The following PDSS1 variants were observed in gnomAD, a reference collection of about 807,000 sequenced individuals.
The protein encoded by PDSS1 is decaprenyl diphosphate synthase subunit 1.
Under a neutral mutation model 57.5 loss-of-function variants are expected in PDSS1, and 43 were observed. The ratio of observed to expected loss-of-function variants is 0.75; its 90% CI spans 0.59 to 0.96. The LOEUF (loss-of-function observed/expected upper bound fraction) is 0.96, where lower values mean the gene tolerates loss of function less well. Among genes scored for constraint, PDSS1 ranks in the 50% least tolerant of loss-of-function variants. The pLI is 0.00. For missense variants in PDSS1, 438 were observed against 527.8 expected, an observed-to-expected ratio of 0.83 and a Z score of 1.67; for synonymous variants, 175 against 191.3, an observed-to-expected ratio of 0.91 and a Z score of 0.70.
At position 26,705,335 on chromosome 10, in the gene PDSS1, A is replaced by C; in HGVS notation, c.277A>C (p.Thr93Pro). 1 of 1,613,350 alleles carries C rather than the reference A, an allele frequency of 6.2e-7. No individual in the cohort carries two copies. The highest frequency in any genetic ancestry group is 8.5e-7 in the Non-Finnish European group (1 of 1,179,476). The change falls in exon 4 of 12, where the codon ACC becomes CCC. Residue 93 changes from threonine to proline, a missense_variant. This residue lies in a region of PDSS1 where 154 missense variants were observed against 137.0 expected (regional missense o/e 1.12). Transcript: ENST00000376215. ...TAAAACACACAGTGGTGAAAAATAC[A>C]CCGATCCTTTCAAACTCGGTTGGAG... is the stretch of plus-strand genomic sequence containing the variant. Reference protein sequence around the residue: ...DSKTHSGEKYTDPFKLGWRDL... With the variant: ...DSKTHSGEKYPDPFKLGWRDL...
chr10:26,735,615 A>G (rs1397901272), intron 10 of PDSS1, 36 bp downstream of exon 10: 1 of 1,149,674 alleles, frequency 8.7e-7, no homozygotes, highest in Admixed American at 1.7e-5. Flanking sequence ...ACATCACTGC[A>G]TAGCCCCACA....
chr10:26,724,759 A>G (rs1005397322), intron 8 of PDSS1, among the ~76,000 whole-genome samples: 21 of 152,030 alleles, frequency 1.4e-4, no homozygotes, highest in Admixed American at 3.9e-4. Flanking sequence ...TGTATTTTTC[A>G]TAGGGATGGG....
rs556364130 is a variant in PDSS1, at chr10:26,716,213, G to C, written c.468-4005G>C. On this transcript the variant is annotated intron_variant, in intron 5 of 11. Coordinates refer to ENST00000376215, the MANE Select transcript of PDSS1 (RefSeq NM_014317.5). Reference sequence around the variant, plus strand: ...CTCTGCCATTCCTTAGATTGGAGGCGCCCTTGATACAGATCCCTCCCTACA... The same window carrying C: ...CTCTGCCATTCCTTAGATTGGAGGCCCCCTTGATACAGATCCCTCCCTACA... Among the ~76,000 whole-genome samples, 12 of 151,952 alleles carry C rather than the reference G, an allele frequency of 7.9e-5. No homozygotes were observed. In the East Asian group the frequency reaches 2.1e-3, roughly 27 times the overall value.
Position 26,720,208 on chromosome 10 carries a change from T to G in PDSS1, c.468-10T>G, listed in dbSNP as rs1423863099. 1 of 1,612,570 alleles carries G rather than the reference T, an allele frequency of 6.2e-7. No homozygotes were observed. Among genetic ancestry groups the G allele is most frequent in the Non-Finnish European group, 8.5e-7 (1 of 1,180,012 alleles). On this transcript the variant is annotated splice_polypyrimidine_tract_variant and intron_variant, in intron 5 of 11. Transcript: ENST00000376215. ...GCGTCTGTTAAAAAGCATTGCTTTCTGTTAATTAGACATGTGCAAGCCAGC... is the reference window on the plus strand; with the variant it reads ...GCGTCTGTTAAAAAGCATTGCTTTCGGTTAATTAGACATGTGCAAGCCAGC...
At chr10:26,723,682 A>G in intron 6 of PDSS1, 124 bp from the exon 7 acceptor site, 2 of 766,930 alleles carry the variant, frequency 2.6e-6, no homozygotes, top group Non-Finnish European at 4.8e-6. Context: ...GAAGAAGGTA[A>G]AAAACCCTGC....
At chr10:26,726,073 G>A (rs1485941407) in intron 8 of PDSS1, among the ~76,000 whole-genome samples, 1 of 152,204 alleles carries the variant, frequency 6.6e-6, no homozygotes, top group South Asian at 2.1e-4. Flanking sequence ...TTCACTCAGT[G>A]ATGGAAGCTT....
At chr10:26,740,719 C>T (rs1438915406) in intron 10 of PDSS1, 10 of 456,548 alleles carry the variant, frequency 2.2e-5, no homozygotes, top group Middle Eastern at 3.2e-4. Flanking sequence ...TTACCTCTTC[C>T]GTGGAGCCAT....
At chr10:26,742,182 C>T (rs1836641284) in intron 10 of PDSS1, among the ~76,000 whole-genome samples, 1 of 151,978 alleles carries the variant, frequency 6.6e-6, no homozygotes, top group African/African-American at 2.4e-5. Context: ...TGGCCAGAAC[C>T]ATGTTGTTTT....
chr10:26,709,635 C>T lies in PDSS1; in HGVS notation c.337-3C>T. ...ATTGTGACACAGAGAAACTTTATTT[C>T]AGGAACTGCTTATATCAACATCAGA... On this transcript the variant is annotated splice_polypyrimidine_tract_variant and splice_region_variant and intron_variant, in intron 4 of 11. Coordinates refer to ENST00000376215, the MANE Select transcript of PDSS1 (RefSeq NM_014317.5). 1 of 1,613,354 alleles carries T rather than the reference C, an allele frequency of 6.2e-7. No homozygotes were observed. Among genetic ancestry groups the T allele is most frequent in the Non-Finnish European group, 8.5e-7 (1 of 1,179,488 alleles).
intron 5 of PDSS1, 113 bp downstream of exon 5, chr10:26,709,881 G>GAGCCACCATGCCCA: frequency 8.7e-7 from 1 of 1,145,816 alleles, no homozygotes; most frequent in Non-Finnish European, 1.3e-6. Flanking sequence ...GGCTGGGCAT[G>GAGCCACCATGCCCA]GTGGCTCATG....
chr10:26,714,466 CAA>C (rs34696535), intron 5 of PDSS1, among the ~76,000 whole-genome samples: 198 of 122,978 alleles, frequency 1.6e-3, no homozygotes, highest in Admixed American at 2.0e-3. Context: ...GACTCTGTCT[CAA>C]AAAAAAAAAA....
chr10:26,731,189 A>G (rs891526605), intron 8 of PDSS1, among the ~76,000 whole-genome samples: 35 of 152,010 alleles, frequency 2.3e-4, no homozygotes, highest in African/African-American at 8.4e-4. Context: ...AAAAGTACAA[A>G]AATTAGCCAG....
At chr10:26,701,969 TA>T (rs1835066246) in intron 1 of PDSS1, 192 bp from the exon 2 acceptor site, 1 of 409,676 alleles carries the variant, frequency 2.4e-6, no homozygotes, top group Admixed American at 2.6e-5. Flanking sequence ...CAGTGTGACC[TA>T]GATGTGAGAC....
chr10:26,733,411 C>T (rs1032003207), intron 8 of PDSS1, among the ~76,000 whole-genome samples: 3 of 152,110 alleles, frequency 2.0e-5, no homozygotes, highest in African/African-American at 4.8e-5. Flanking sequence ...GGGGTCGGTG[C>T]CTGCTCATGG....
chr10:26,719,525 T>C (rs1835711859), intron 5 of PDSS1, among the ~76,000 whole-genome samples: 1 of 152,232 alleles, frequency 6.6e-6, no homozygotes, highest in African/African-American at 2.4e-5. Flanking sequence ...ATCCACACTT[T>C]GGGAGGCCAA....
intron 8 of PDSS1, among the ~76,000 whole-genome samples, chr10:26,725,846 C>T (rs1244604944): frequency 2.0e-5 from 3 of 152,066 alleles, no homozygotes; most frequent in African/African-American, 7.2e-5. Context: ...GAGACTGAGG[C>T]GGAAGGTTTG....
intron 8 of PDSS1, among the ~76,000 whole-genome samples, chr10:26,732,369 A>G (rs1230621038): frequency 2.6e-5 from 4 of 152,234 alleles, no homozygotes; most frequent in African/African-American, 7.2e-5. Context: ...GCCATGTGTC[A>G]GGCAGAAGCT....
At position 26,712,100 on chromosome 10, in the gene PDSS1, C is replaced by G. The variant is rs528087553; in HGVS notation, c.467+2332C>G. 1.4e-3 allele frequency among the ~76,000 whole-genome samples: 130 copies of G among 89,768 alleles called. 47 individuals carry two copies. The highest frequency in any genetic ancestry group is 2.2e-3 in the Non-Finnish European group (89 of 40,124). The allele number at this position is 89,768 out of a possible 152,430, so 58.9% of individuals were successfully genotyped here. On this transcript the variant is annotated intron_variant, in intron 5 of 11. Transcript: ENST00000376215. ...CACTGCAACTTCCACCTCCTGGGTT[C>G]AAGCAATTCTCCTGCCTCAGCCTCC...
At chr10:26,746,210 T>C in intron 11 of PDSS1, 123 bp from the exon 12 acceptor site, 1 of 993,742 alleles carries the variant, frequency 1.0e-6, no homozygotes, top group Non-Finnish European at 1.6e-6. Flanking sequence ...GTAGTTTGAC[T>C]GTTAACTGTA....
Sources: allele counts gnomAD v4.1 joint callset (sites outside exome capture counted in the v4.1 genomes callset), GRCh38; gene constraint gnomAD v4.1.1; regional missense constraint gnomAD v4.1.1; transcripts MANE v1.5; gene names NCBI Gene and HGNC (gene_info 2026-07-23, HGNC 2026-07-21).